The following ADCY8 variants were observed in gnomAD, a reference collection of about 807,000 sequenced individuals.
ADCY8 encodes adenylate cyclase 8.
A neutral mutation model predicts 119.7 loss-of-function variants in ADCY8; 51 were observed. The observed-to-expected ratio is 0.43, with a 90% confidence interval of 0.34 to 0.54. The LOEUF is 0.54. Among genes scored for constraint, ADCY8 ranks in the 20% least tolerant of loss-of-function variants. The pLI, the probability that ADCY8 is intolerant of heterozygous loss-of-function variation, is 0.03. For synonymous variants in ADCY8, 665 were observed against 651.0 expected (o/e 1.02, Z -0.33); for missense variants, 1,383 against 1,598.8 (o/e 0.87, Z 2.30).
Position 131,040,471 on chromosome 8 carries a change from G to A in ADCY8, c.-138C>T. ...TAGGCTGCCCCGTTGCAGGAGCCCT[G>A]CGCTAGGGCTCCCTGTAGGTCGGGT... On this transcript the variant is annotated 5_prime_UTR_variant, in exon 1 of 18. Coordinates refer to ENST00000286355, the MANE Select transcript of ADCY8 (RefSeq NM_001115.3). The A allele has an allele frequency of 9.2e-7, 1 of 1,084,020 alleles. No homozygotes were observed. Among genetic ancestry groups the A allele is most frequent in the South Asian group, 2.6e-5 (1 of 38,794 alleles). The allele number at this position is 1,084,020 out of a possible 1,614,324, so 67.2% of individuals were successfully genotyped here. A position where few individuals can be genotyped will look rare whatever the true frequency, so the allele number is the denominator to read the frequency against.
intron 8 of ADCY8, among the ~76,000 whole-genome samples, chr8:130,869,598 A>T (rs1476176068): frequency 1.3e-5 from 2 of 149,514 alleles, no homozygotes; most frequent in Admixed American, 1.3e-4. Flanking sequence ...GTTCACTGCA[A>T]GCTCTGCCTC....
chr8:130,910,962 A>G (rs1020666681), intron 5 of ADCY8, among the ~76,000 whole-genome samples: 2 of 152,202 alleles, frequency 1.3e-5, no homozygotes, highest in African/African-American at 2.4e-5. Context: ...TGCAATGATT[A>G]TGTGACTTCA....
chr8:130,847,494 T>C lies in ADCY8; in HGVS notation c.2432A>G (p.Lys811Arg). Reference protein sequence around the residue: ...ILNILWCDFDKSIPLKNLTFN... With the variant: ...ILNILWCDFDRSIPLKNLTFN... ...AGTCAGGTTCTTCAAGGGTATCGAC[T>C]TGTCAAAATCACACCACAGCTGCGG... Residue 811 changes from lysine to arginine, a missense_variant, in exon 11 of 18, where the codon AAG becomes AGG. Lys to Arg is a conservative substitution (Grantham distance 26). Transcript: ENST00000286355. 1 of 1,610,594 alleles carries C rather than the reference T, an allele frequency of 6.2e-7. No homozygotes were observed. Among genetic ancestry groups the C allele is most frequent in the Non-Finnish European group, 8.5e-7 (1 of 1,179,034 alleles).
chr8:130,916,457 G>A (rs903762096), intron 5 of ADCY8, among the ~76,000 whole-genome samples: 4 of 152,160 alleles, frequency 2.6e-5, no homozygotes, highest in Non-Finnish European at 5.9e-5. Context: ...CGTATGAAAC[G>A]TAGGGTCCAT....
At chr8:130,968,175 T>A (rs886116498) in intron 2 of ADCY8, among the ~76,000 whole-genome samples, 1 of 132,036 alleles carries the variant, frequency 7.6e-6, no homozygotes, top group Non-Finnish European at 1.6e-5. Context: ...GTTATTCTGC[T>A]TTTTTTTTTT....
chr8:131,019,807 C>A (rs1823597214), intron 1 of ADCY8, among the ~76,000 whole-genome samples: 1 of 97,088 alleles, frequency 1.0e-5, no homozygotes, highest in African/African-American at 4.6e-5. Context: ...TTCTCTCTCT[C>A]TCTCTCTCTC....
rs192366212 is a variant in ADCY8, at chr8:131,034,641, T to G, written c.960+4733A>C. On this transcript the variant is annotated intron_variant, in intron 1 of 17. Transcript: ENST00000286355. ...GAATTTAAATCTGACAGCATGACCT[T>G]GAGCACTAAGTAACCTGGATTTGCA... Among the ~76,000 whole-genome samples the G allele has an allele frequency of 1.3e-4, 20 of 152,234 alleles. No homozygotes were observed. In the East Asian group the frequency reaches 3.1e-3, roughly 24 times the overall value.
chr8:130,849,700 G>T lies in ADCY8; in HGVS notation c.2314C>A (p.Arg772=), dbSNP rs749479126. 5 of 1,613,878 alleles carry T rather than the reference G, an allele frequency of 3.1e-6. No individual in the cohort carries two copies. Among genetic ancestry groups the T allele is most frequent in the East Asian group, 2.2e-5 (1 of 44,852 alleles). Residue 772 remains arginine, a synonymous_variant, in exon 10 of 18, where the codon CGG becomes AGG. Transcript: ENST00000286355. The stretch of plus-strand genomic sequence containing the variant: ...TCATTAATCCAACAGCAAGTTTTCC[G>T]GAGGATGAGGGGCAAACATTTATAA... ...EDYKCLPLIL[R]KTCCWINETY...
At chr8:130,867,393 G>T (rs1324730786) in intron 9 of ADCY8, among the ~76,000 whole-genome samples, 1 of 152,152 alleles carries the variant, frequency 6.6e-6, no homozygotes, top group Non-Finnish European at 1.5e-5. Context: ...GTTGTCATGG[G>T]GATTCCAGAA....
chr8:131,010,016 C>A (rs1288389189), intron 1 of ADCY8, among the ~76,000 whole-genome samples: 1 of 152,104 alleles, frequency 6.6e-6, no homozygotes, highest in Non-Finnish European at 1.5e-5. Flanking sequence ...AATCCTCATC[C>A]CAATCCTGCA....
chr8:130,803,993 A>G lies in ADCY8; in HGVS notation c.2914-3421T>C, dbSNP rs762931059. 2.6e-5 allele frequency among the ~76,000 whole-genome samples: 4 copies of G among 152,182 alleles called. No homozygotes were observed. In the East Asian group the frequency reaches 7.7e-4, roughly 29 times the overall value. On this transcript the variant is annotated intron_variant, in intron 14 of 17. Transcript: ENST00000286355. ...CAGTCAGGGAGCAGAGCAAAGGTAA[A>G]TGGCTTTCAAAGGTGGATTTCTGTT... is the stretch of plus-strand genomic sequence containing the variant.
At chr8:130,916,433 T>C (rs1199224745) in intron 5 of ADCY8, among the ~76,000 whole-genome samples, 1 of 152,228 alleles carries the variant, frequency 6.6e-6, no homozygotes, top group Non-Finnish European at 1.5e-5. Flanking sequence ...TGCTGGACTT[T>C]AGTGTCAGCC....
rs558017833 is a variant in ADCY8 at position 130,807,234 on chromosome 8, G to A, written c.2914-6662C>T. Among the ~76,000 whole-genome samples, 35 of 152,286 alleles carry A rather than the reference G, an allele frequency of 2.3e-4. No homozygotes were observed. In the Middle Eastern group the frequency reaches 0.01, roughly 44 times the overall value. On this transcript the variant is annotated intron_variant, in intron 14 of 17. Coordinates refer to ENST00000286355, the MANE Select transcript of ADCY8 (RefSeq NM_001115.3). Reference sequence around the variant, plus strand: ...CTGCTCAAGCAACTCCAAGTCCTGCGTTGCTTATACCAAGTTAAGCCACCT... The same window carrying A: ...CTGCTCAAGCAACTCCAAGTCCTGCATTGCTTATACCAAGTTAAGCCACCT...
chr8:130,970,347 T>G (rs1051711486), intron 2 of ADCY8, among the ~76,000 whole-genome samples: 7 of 152,160 alleles, frequency 4.6e-5, no homozygotes, highest in Admixed American at 3.9e-4. Context: ...GCAAACCCTA[T>G]GGTGAACCGT....
At chr8:130,804,827 A>G (rs1002591401) in intron 14 of ADCY8, among the ~76,000 whole-genome samples, 1 of 152,014 alleles carries the variant, frequency 6.6e-6, no homozygotes, top group African/African-American at 2.4e-5. Context: ...GCTCACTGCA[A>G]CCTCCACCTC....
intron 1 of ADCY8, among the ~76,000 whole-genome samples, chr8:130,999,895 A>G (rs1822891080): frequency 6.6e-6 from 1 of 152,238 alleles, no homozygotes; most frequent in Admixed American, 6.5e-5. Flanking sequence ...ATATTTTCCA[A>G]TACTTTCTTT....
At chr8:131,029,726 A>G (rs958771422) in intron 1 of ADCY8, among the ~76,000 whole-genome samples, 15 of 152,206 alleles carry the variant, frequency 9.9e-5, no homozygotes, top group African/African-American at 3.1e-4. Context: ...ACTCAGCTGC[A>G]GCTTTCTGCT....
At chr8:130,937,997 A>G (rs1820839325) in intron 4 of ADCY8, among the ~76,000 whole-genome samples, 1 of 152,228 alleles carries the variant, frequency 6.6e-6, no homozygotes, top group Non-Finnish European at 1.5e-5. Flanking sequence ...AAGAACAACA[A>G]GCATTAAGAA....
At chr8:130,929,256 T>G (rs1209997114) in intron 5 of ADCY8, among the ~76,000 whole-genome samples, 8 of 152,156 alleles carry the variant, frequency 5.3e-5, no homozygotes, top group African/African-American at 7.2e-5. Flanking sequence ...TTATTTGAGA[T>G]CCTCTTTTTT....
Sources: gnomAD v4.1 joint callset for allele counts (sites outside exome capture counted in the v4.1 genomes callset) on GRCh38, gnomAD v4.1.1 for gene constraint, MANE v1.5 for transcripts, NCBI Gene and HGNC (gene_info 2026-07-23, HGNC 2026-07-21) for gene names.